TTC34: variants seen among roughly 807,000 people sequenced by gnomAD.
The protein encoded by TTC34 is tetratricopeptide repeat protein 34.
A neutral mutation model predicts 40.7 loss-of-function variants in TTC34; 44 were observed. The observed-to-expected ratio is 1.08, with a 90% CI of 0.85 to 1.39. The LOEUF (loss-of-function observed/expected upper bound fraction) is 1.39. TTC34 is among the 40% of genes most tolerant of loss of function. The probability of loss-of-function intolerance (pLI) is 0.00; values close to 1 mark genes in which losing one functional copy is unlikely to be tolerated. For synonymous variants in TTC34, 422 were observed against 398.6 expected, an observed-to-expected ratio of 1.06 and a Z score of -0.70; for missense variants, 884 against 838.0, an observed-to-expected ratio of 1.05 and a Z score of -0.68.
intron 6 of TTC34, among the ~76,000 whole-genome samples, chr1:2,694,945 C>A (rs559448737): frequency 2.6e-5 from 3 of 115,512 alleles, no homozygotes; most frequent in African/African-American, 6.7e-5. Flanking sequence ...TTGAGCAGCA[C>A]CCACACCCCC....
chr1:2,775,908 C>A (rs998301437), intron 6 of TTC34: 2 of 129,726 alleles, frequency 1.5e-5, no homozygotes, highest in African/African-American at 7.4e-5. Flanking sequence ...ATGGAAGGTG[C>A]CATTGTAGGT....
intron 2 of TTC34, among the ~76,000 whole-genome samples, chr1:2,792,006 C>CT (rs376632144): frequency 0.014 from 543 of 39,530 alleles, 114 homozygotes; most frequent in Non-Finnish European, 0.021. Flanking sequence ...TTGCCATATG[C>CT]TTTTTTTTTT....
intron 6 of TTC34, among the ~76,000 whole-genome samples, chr1:2,693,659 G>A (rs201692100): frequency 1.6e-3 from 41 of 26,320 alleles, no homozygotes; most frequent in South Asian, 2.5e-3. Flanking sequence ...CTGGAGCAGT[G>A]CCCACACCCC....
At chr1:2,695,755 C>T (rs79342985) in intron 6 of TTC34, among the ~76,000 whole-genome samples, 1 of 151,568 alleles carries the variant, frequency 6.6e-6, no homozygotes, top group East Asian at 1.9e-4. Context: ...AGCACCCACA[C>T]CCCCAGGTGA....
intron 6 of TTC34, among the ~76,000 whole-genome samples, chr1:2,687,820 T>G (rs78258480): frequency 1.3e-4 from 15 of 112,220 alleles, no homozygotes; most frequent in African/African-American, 6.0e-4. Flanking sequence ...CAGGTGAGCA[T>G]CTGATGGTCT....
chr1:2,790,541 C>T (rs1416235293), intron 2 of TTC34, among the ~76,000 whole-genome samples, 195 bp from the exon 3 acceptor site: 2 of 152,152 alleles, frequency 1.3e-5, no homozygotes, highest in Non-Finnish European at 2.9e-5. Context: ...GGCCCGACGC[C>T]CATGAGCGAC....
In TTC34 at chr1:2,641,348, T is replaced by C. The variant is rs1321711036; in HGVS notation, c.*20A>G. 7.5e-6 allele frequency: 11 copies of C among 1,474,968 alleles called. No individual in the cohort carries two copies. The South Asian group carries it at 1.5e-4, about 20-fold the overall frequency. The allele number at this position is 1,474,968 out of a possible 1,614,324, so 91.4% of individuals were successfully genotyped here. The stretch of plus-strand genomic sequence containing the variant: ...GCTAGGGTGGCCCCGTGATTAGGGC[T>C]GGGAGAGGGTCAGGCCCAGTCACTG... On this transcript the variant is annotated 3_prime_UTR_variant, in exon 9 of 9. Transcript: ENST00000401095.
intron 6 of TTC34, among the ~76,000 whole-genome samples, chr1:2,750,319 CCCATGCCCAGGTGAGCCTCTG>C (rs1641273711): frequency 1.1e-5 from 1 of 90,614 alleles, no homozygotes; most frequent in African/African-American, 5.4e-5. Context: ...GAACTGCACC[CCCATGCCCAGGTGAGCCTCTG>C]ACAGCCTTGA....
intron 6 of TTC34, among the ~76,000 whole-genome samples, chr1:2,685,891 C>T (rs1477179307): frequency 8.1e-6 from 1 of 123,100 alleles, no homozygotes; most frequent in East Asian, 2.4e-4. Context: ...CCCAGGTGAG[C>T]ATCTGACAGC....
chr1:2,781,347 G>A (rs985392798), intron 6 of TTC34, among the ~76,000 whole-genome samples: 3 of 152,174 alleles, frequency 2.0e-5, no homozygotes, highest in African/African-American at 7.2e-5. Flanking sequence ...CATTATTAAT[G>A]TATAAAAATG....
At chr1:2,778,705 A>C (rs1456340350) in intron 6 of TTC34, among the ~76,000 whole-genome samples, 1 of 152,124 alleles carries the variant, frequency 6.6e-6, no homozygotes, top group Non-Finnish European at 1.5e-5. Context: ...GAGGGGCAGC[A>C]CCCACCCTCT....
At chr1:2,653,896 G>C (rs978350828) in intron 6 of TTC34, among the ~76,000 whole-genome samples, 3 of 127,040 alleles carry the variant, frequency 2.4e-5, no homozygotes, top group East Asian at 4.1e-4. Flanking sequence ...ACACCCACAG[G>C]TGAGCATCCG....
chr1:2,796,313 G>T lies in TTC34; in HGVS notation c.784+3731C>A, dbSNP rs944317802. On this transcript the variant is annotated intron_variant, in intron 2 of 8. Transcript: ENST00000401095. This position sits in a 1 kb window ranked among gnomAD's most constrained non-coding sequence, Gnocchi z 4.5. ...ACCTCCAGATGGAAGGTCATTTGTT[G>T]CAGGAAACTGCATCTGTAAAAAGTC... 6.6e-5 allele frequency among the ~76,000 whole-genome samples: 10 copies of T among 152,210 alleles called. No individual in the cohort carries two copies. The highest frequency in any genetic ancestry group is 2.4e-4 in the African/African-American group (10 of 41,450).
intron 6 of TTC34, among the ~76,000 whole-genome samples, chr1:2,777,728 C>A (rs1031171573): frequency 6.6e-6 from 1 of 151,030 alleles, no homozygotes; most frequent in Non-Finnish European, 1.5e-5. Flanking sequence ...CCTGGATGCA[C>A]AAATTCACAG....
chr1:2,752,795 C>T lies in TTC34; in HGVS notation c.2226+30814G>A, dbSNP rs1641367374. ...ATACGCCCAGATAAGCATGTGACAG[C>T]CTGGAACAGCTCCCTGCATCCCCAG... On this transcript the variant is annotated intron_variant, in intron 6 of 8. Transcript: ENST00000401095. Among the ~76,000 whole-genome samples the T allele has an allele frequency of 1.5e-5, 2 of 132,428 alleles. 1 individual carries two copies. The highest frequency in any genetic ancestry group is 3.2e-5 in the Non-Finnish European group (2 of 62,076). 86.9% of individuals were successfully genotyped at this position (132,428 alleles called of 152,430 possible).
chr1:2,645,587 G>GGGGGGGGGGGGGGCGCCC lies in TTC34; in HGVS notation c.2227-25_2227-24insGGGCGCCCCCCCCCCCCC. The stretch of plus-strand genomic sequence containing the variant: ...TCCTGCAAGGAGGGAGGGCGGGCGG[G>GGGGGGGGGGGGGGCGCCC]TGCAGAGTTGTCCTAAGTAGAGAAA... On this transcript the variant is annotated intron_variant, in intron 6 of 8. Coordinates refer to ENST00000401095, the Ensembl canonical transcript of TTC34. The surrounding 1 kb of genome is among the most constrained non-coding windows in gnomAD (Gnocchi z 4.7). 1 of 229,534 alleles carries GGGGGGGGGGGGGGCGCCC rather than the reference G, an allele frequency of 4.4e-6. No individual in the cohort carries two copies. Among genetic ancestry groups the GGGGGGGGGGGGGGCGCCC allele is most frequent in the Non-Finnish European group, 8.6e-6 (1 of 116,456 alleles). 14.2% of individuals were successfully genotyped at this position (229,534 alleles called of 1,614,324 possible).
chr1:2,692,425 C>T (rs1640663522), intron 6 of TTC34, among the ~76,000 whole-genome samples: 1 of 127,788 alleles, frequency 7.8e-6, no homozygotes, highest in African/African-American at 3.0e-5. Flanking sequence ...CACCCACACC[C>T]CCAGGTGAGC....
chr1:2,684,220 G>C (rs1405170910), intron 6 of TTC34, among the ~76,000 whole-genome samples: 1 of 151,342 alleles, frequency 6.6e-6, no homozygotes, highest in Non-Finnish European at 1.5e-5. Flanking sequence ...CTGACAGCCT[G>C]GAACAGCACG....
chr1:2,662,364 G>T (rs1570774498), intron 6 of TTC34, among the ~76,000 whole-genome samples: 1 of 94,288 alleles, frequency 1.1e-5, no homozygotes, highest in Non-Finnish European at 2.8e-5. Context: ...CACACCCCCA[G>T]TTGAGCAACT....
Sources: allele counts gnomAD v4.1 joint callset (sites outside exome capture counted in the v4.1 genomes callset), GRCh38; gene constraint gnomAD v4.1.1; non-coding constraint Gnocchi (gnomAD v3.1); transcripts MANE v1.5; gene names NCBI Gene and HGNC (gene_info 2026-07-23, HGNC 2026-07-21).